Variants in NRG3 observed in about 807,000 individuals in gnomAD.
NRG3 encodes the protein pro-neuregulin-3, membrane-bound isoform.
NRG3 carries 31 observed loss-of-function variants against 66.9 expected under a neutral mutation model. That is an observed-to-expected ratio of 0.46 (90% CI 0.35 to 0.63). The LOEUF is 0.63. Among genes scored for constraint, NRG3 ranks in the 20% least tolerant of loss-of-function variants. The pLI is 0.00. For synonymous variants in NRG3, 393 were observed against 359.4 expected (o/e 1.09, Z -1.06); for missense variants, 910 against 878.9 (o/e 1.04, Z -0.45).
intron 1 of NRG3, chr10:81,889,539 C>T (rs1242136104): frequency 1.3e-5 from 2 of 152,178 alleles, no homozygotes; most frequent in Non-Finnish European, 2.9e-5. Flanking sequence ...GTTCATCACT[C>T]TCGCCTGCTC....
chr10:82,208,504 G>T (rs1363798782), intron 1 of NRG3, among the ~76,000 whole-genome samples: 1 of 152,032 alleles, frequency 6.6e-6, no homozygotes, highest in Non-Finnish European at 1.5e-5. Flanking sequence ...CTTGCTCTTT[G>T]TCCTGTAGAT....
At chr10:82,383,042 G>C (rs1332971764) in intron 2 of NRG3, among the ~76,000 whole-genome samples, 1 of 151,796 alleles carries the variant, frequency 6.6e-6, no homozygotes, top group Non-Finnish European at 1.5e-5. Flanking sequence ...TTATTTCACG[G>C]AATACCTTCA....
Position 82,437,504 on chromosome 10 carries a change from T to C in NRG3, c.953+78636T>C, listed in dbSNP as rs1005004271. On this transcript the variant is annotated intron_variant, in intron 2 of 8. Transcript: ENST00000372141. ...AACATGCTGCTTTAGCTCATCATAG[T>C]TTTTTACTACCCATCTTCTAAAGCC... Among the ~76,000 whole-genome samples, 9 of 152,020 alleles carry C rather than the reference T, an allele frequency of 5.9e-5. No individual in the cohort carries two copies. In the East Asian group the frequency reaches 1.6e-3, roughly 26 times the overall value.
rs184177753 is a variant in NRG3 at position 82,324,953 on chromosome 10, C to T, written c.824-33786C>T. On this transcript the variant is annotated intron_variant, in intron 1 of 8. Transcript: ENST00000372141. ...TGACTTTTGTTCAAGTTTTCTATAT[C>T]TCCACTGATTTGCTATCTTCTTGAC... 6.6e-5 allele frequency among the ~76,000 whole-genome samples: 10 copies of T among 152,252 alleles called. No individual in the cohort carries two copies. The East Asian group carries it at 1.9e-3, about 29-fold the overall frequency.
intron 4 of NRG3, among the ~76,000 whole-genome samples, chr10:82,928,683 T>A (rs1350037867): frequency 6.6e-6 from 1 of 152,004 alleles, no homozygotes; most frequent in African/African-American, 2.4e-5. Flanking sequence ...TGACTTTTAC[T>A]CAAGTCTGCT....
intron 4 of NRG3, among the ~76,000 whole-genome samples, chr10:82,924,722 C>T (rs891392152): frequency 4.6e-5 from 7 of 152,126 alleles, no homozygotes; most frequent in African/African-American, 1.7e-4. Context: ...TAACTCACAG[C>T]AGCTTGGAAG....
intron 7 of NRG3, among the ~76,000 whole-genome samples, chr10:82,977,167 C>T (rs140811291): frequency 0.015 from 2,338 of 152,124 alleles, 70 homozygotes; most frequent in Admixed American, 0.068. Context: ...CTTCAGGCCC[C>T]GCAGACCCCA....
At chr10:82,628,306 G>A (rs541215427) in intron 2 of NRG3, among the ~76,000 whole-genome samples, 2 of 152,204 alleles carry the variant, frequency 1.3e-5, no homozygotes, top group South Asian at 4.1e-4. Context: ...TTCAGGAGAC[G>A]TTATTTTTTT....
chr10:82,910,094 G>A (rs1419523975), intron 4 of NRG3, among the ~76,000 whole-genome samples: 1 of 152,168 alleles, frequency 6.6e-6, no homozygotes, highest in East Asian at 1.9e-4. Flanking sequence ...CATGAAACAA[G>A]AAAATACCAA....
chr10:82,253,414 G>T (rs1205550199), intron 1 of NRG3, among the ~76,000 whole-genome samples: 1 of 152,118 alleles, frequency 6.6e-6, no homozygotes, highest in African/African-American at 2.4e-5. Context: ...GAGCTTGGCT[G>T]TATTGTTTAT....
intron 1 of NRG3, among the ~76,000 whole-genome samples, chr10:82,053,651 C>G (rs1392149883): frequency 6.6e-6 from 1 of 152,172 alleles, no homozygotes; most frequent in Non-Finnish European, 1.5e-5. Context: ...AAAACACACT[C>G]AAATTCCTGG....
At chr10:82,377,279 G>T (rs1366586785) in intron 2 of NRG3, among the ~76,000 whole-genome samples, 1 of 152,100 alleles carries the variant, frequency 6.6e-6, no homozygotes, top group Non-Finnish European at 1.5e-5. Context: ...TCTCTGTATA[G>T]GCAGGGACAA....
chr10:82,431,949 A>G (rs1185635683), intron 2 of NRG3, among the ~76,000 whole-genome samples: 2 of 152,140 alleles, frequency 1.3e-5, no homozygotes, highest in Non-Finnish European at 2.9e-5. Context: ...TTATTCTTTA[A>G]TCACTCTCAT....
intron 2 of NRG3, among the ~76,000 whole-genome samples, chr10:82,433,282 C>T (rs145618149): frequency 1.8e-3 from 277 of 152,228 alleles, no homozygotes; most frequent in Middle Eastern, 6.8e-3. Context: ...AGTGTCTGTT[C>T]ATATCCTTTC....
intron 2 of NRG3, among the ~76,000 whole-genome samples, chr10:82,709,118 A>G (rs1296374920): frequency 6.6e-6 from 1 of 152,088 alleles, no homozygotes. Flanking sequence ...GCTCTGTCCA[A>G]TCAGGCAGCC....
chr10:82,074,548 A>G (rs2064987880), intron 1 of NRG3, among the ~76,000 whole-genome samples: 1 of 152,216 alleles, frequency 6.6e-6, no homozygotes, highest in Non-Finnish European at 1.5e-5. Context: ...AGGCTAGACA[A>G]AAGATAAGAG....
At chr10:82,667,197 A>C (rs1215009381) in intron 2 of NRG3, among the ~76,000 whole-genome samples, 1 of 152,208 alleles carries the variant, frequency 6.6e-6, no homozygotes, top group Admixed American at 6.5e-5. Context: ...GGTAGCTGGA[A>C]GAGTTGTGAT....
chr10:82,123,072 T>C (rs1248731627), intron 1 of NRG3, among the ~76,000 whole-genome samples: 3 of 152,078 alleles, frequency 2.0e-5, no homozygotes, highest in Non-Finnish European at 2.9e-5. Context: ...GAACTATCTT[T>C]AAATCTTGGC....
intron 1 of NRG3, among the ~76,000 whole-genome samples, chr10:82,085,412 A>T: frequency 6.6e-6 from 1 of 152,184 alleles, no homozygotes; most frequent in South Asian, 2.1e-4. Flanking sequence ...TTCATAAAGA[A>T]CAGATTTATT....
Sources: allele counts gnomAD v4.1 joint callset (sites outside exome capture counted in the v4.1 genomes callset), GRCh38; gene constraint gnomAD v4.1.1; transcripts MANE v1.5; gene names NCBI Gene and HGNC (gene_info 2026-07-23, HGNC 2026-07-21).